KSR2: variants seen among roughly 807,000 people sequenced by gnomAD.
KSR2 encodes the protein kinase suppressor of ras 2.
In KSR2, 25 loss-of-function variants were observed where a neutral mutation model predicts 107.8. That is an observed-to-expected ratio of 0.23 (90% confidence interval 0.17 to 0.32). KSR2 has a LOEUF of 0.32. Among genes scored for constraint, KSR2 ranks in the 10% least tolerant of loss-of-function variants. KSR2 has a pLI of 1.00. For missense variants in KSR2, 887 were observed against 1,268.9 expected (o/e 0.70, Z 4.57); for synonymous variants, 480 against 507.0 (o/e 0.95, Z 0.71).
chr12:117,909,060 A>C (rs1199183940), intron 1 of KSR2, among the ~76,000 whole-genome samples: 1 of 152,168 alleles, frequency 6.6e-6, no homozygotes, highest in Non-Finnish European at 1.5e-5. Context: ...CTTAGTTTTT[A>C]TTCCCAAGAC....
intron 5 of KSR2, among the ~76,000 whole-genome samples, chr12:117,593,229 G>A (rs574476983): frequency 1.3e-4 from 20 of 152,270 alleles, no homozygotes; most frequent in South Asian, 1.0e-3. Context: ...GGACTTAAAC[G>A]AGGACAAAAC....
intron 1 of KSR2, among the ~76,000 whole-genome samples, chr12:117,886,871 T>TA (rs966997970): frequency 9.9e-5 from 15 of 152,024 alleles, no homozygotes; most frequent in East Asian, 3.9e-4. Flanking sequence ...CCTGGCTTAT[T>TA]AAAAAAAATA....
chr12:117,705,735 G>C (rs589968), intron 4 of KSR2, among the ~76,000 whole-genome samples: 147,224 of 152,308 alleles, frequency 0.97, 71,184 homozygotes, highest in East Asian at 1. Flanking sequence ...ACCTGCCAGA[G>C]AAGTTGAGGA....
At chr12:117,707,512 G>A (rs1886575465) in intron 4 of KSR2, among the ~76,000 whole-genome samples, 2 of 152,192 alleles carry the variant, frequency 1.3e-5, no homozygotes, top group South Asian at 4.1e-4. Context: ...CTTTCTAGCT[G>A]TGTGACCCTG....
intron 1 of KSR2, among the ~76,000 whole-genome samples, chr12:117,958,533 G>A (rs1896576306): frequency 6.6e-6 from 1 of 152,084 alleles, no homozygotes. Context: ...TTAAAGAAAT[G>A]ATGGGGGCCG....
At chr12:117,743,244 C>T (rs751096801) in intron 4 of KSR2, among the ~76,000 whole-genome samples, 1 of 152,216 alleles carries the variant, frequency 6.6e-6, no homozygotes, top group Non-Finnish European at 1.5e-5. Context: ...ACTAACTCTT[C>T]CCAAAGAAGC....
intron 3 of KSR2, among the ~76,000 whole-genome samples, chr12:117,844,643 C>A (rs1243133361): frequency 6.6e-6 from 1 of 152,160 alleles, no homozygotes; most frequent in East Asian, 1.9e-4. Context: ...TTTGCATATG[C>A]AACCTATGAA....
chr12:117,794,390 C>T (rs1426987751), intron 3 of KSR2, among the ~76,000 whole-genome samples: 1 of 45,064 alleles, frequency 2.2e-5, no homozygotes, highest in Non-Finnish European at 4.2e-5. Flanking sequence ...CCAACATGCA[C>T]ACTCACACCA....
intron 3 of KSR2, among the ~76,000 whole-genome samples, chr12:117,777,978 A>G (rs745695639): frequency 2.6e-4 from 40 of 152,186 alleles, no homozygotes; most frequent in Non-Finnish European, 1.9e-4. Flanking sequence ...GGCTGCAGTA[A>G]GCCATGATTG....
At chr12:117,835,278 C>A (rs1302434865) in intron 3 of KSR2, among the ~76,000 whole-genome samples, 1 of 152,080 alleles carries the variant, frequency 6.6e-6, no homozygotes, top group Non-Finnish European at 1.5e-5. Context: ...TTAACAAGGT[C>A]CCTGGGGAGA....
intron 3 of KSR2, among the ~76,000 whole-genome samples, chr12:117,761,969 C>T (rs1593210084): frequency 6.6e-6 from 1 of 152,120 alleles, no homozygotes; most frequent in Non-Finnish European, 1.5e-5. Flanking sequence ...TACATCATAC[C>T]CACATTACAT....
At chr12:117,594,926 AC>A (rs1302184032) in intron 5 of KSR2, among the ~76,000 whole-genome samples, 1 of 152,118 alleles carries the variant, frequency 6.6e-6, no homozygotes, top group East Asian at 1.9e-4. Context: ...CTCCAACAGA[AC>A]ACTGTCCAGC....
At chr12:117,953,052 A>G (rs1268972849) in intron 1 of KSR2, among the ~76,000 whole-genome samples, 1 of 152,156 alleles carries the variant, frequency 6.6e-6, no homozygotes, top group Non-Finnish European at 1.5e-5. Flanking sequence ...ATTTCTCCAA[A>G]GAAGCTATAC....
chr12:117,921,664 AC>A (rs1430194095), intron 1 of KSR2, among the ~76,000 whole-genome samples: 3 of 151,946 alleles, frequency 2.0e-5, no homozygotes, highest in Non-Finnish European at 2.9e-5. Flanking sequence ...TGTTGATACT[AC>A]CCCCTCAGAG....
chr12:117,661,188 A>G (rs1343176369), intron 5 of KSR2, among the ~76,000 whole-genome samples: 1 of 152,322 alleles, frequency 6.6e-6, no homozygotes, highest in East Asian at 1.9e-4. Flanking sequence ...CATACACAAC[A>G]ACAAAAAAGG....
intron 3 of KSR2, among the ~76,000 whole-genome samples, chr12:117,764,121 A>G (rs1171772645): frequency 6.6e-6 from 1 of 152,208 alleles, no homozygotes; most frequent in Non-Finnish European, 1.5e-5. Context: ...TTTTGTTATT[A>G]TATATTCAGT....
At chr12:117,831,345 C>T in intron 3 of KSR2, among the ~76,000 whole-genome samples, 1 of 152,186 alleles carries the variant, frequency 6.6e-6, no homozygotes, top group Admixed American at 6.5e-5. Flanking sequence ...CCAACCTGGC[C>T]CACCTTGCAA....
At chr12:117,630,428 G>A (rs1882750479) in intron 5 of KSR2, among the ~76,000 whole-genome samples, 1 of 152,124 alleles carries the variant, frequency 6.6e-6, no homozygotes, top group African/African-American at 2.4e-5. Flanking sequence ...AAGAGGGGTT[G>A]GAAGGTTGGG....
chr12:117,611,300 C>G (rs1423530422), intron 5 of KSR2, among the ~76,000 whole-genome samples: 4 of 152,122 alleles, frequency 2.6e-5, no homozygotes, highest in African/African-American at 7.2e-5. Flanking sequence ...CTAATTTACT[C>G]AAGAAAGCTT....
Sources: gnomAD v4.1 joint callset for allele counts (sites outside exome capture counted in the v4.1 genomes callset) on GRCh38, gnomAD v4.1.1 for gene constraint, MANE v1.5 for transcripts, NCBI Gene and HGNC (gene_info 2026-07-23, HGNC 2026-07-21) for gene names.